Variants in PPP1R12C observed in about 807,000 individuals in gnomAD.
PPP1R12C encodes the protein protein phosphatase 1 regulatory subunit 12C.
A neutral mutation model predicts 95.6 loss-of-function variants in PPP1R12C; 48 were observed. The observed-to-expected ratio is 0.50, with a 90% CI of 0.40 to 0.64. PPP1R12C has a LOEUF of 0.64. PPP1R12C is among the 30% of genes least tolerant of loss of function. PPP1R12C has a pLI of 0.00. For missense variants in PPP1R12C, 1,057 were observed against 1,083.3 expected (o/e 0.98, Z 0.34); for synonymous variants, 480 against 460.8 (o/e 1.04, Z -0.53).
At chr19:55,101,617 CAGG>C (rs1417204824) in intron 4 of PPP1R12C, among the ~76,000 whole-genome samples, 7 of 152,324 alleles carry the variant, frequency 4.6e-5, no homozygotes, top group African/African-American at 1.7e-4. Flanking sequence ...GGTGCAGTGG[CAGG>C]AGATGAAGCC....
chr19:55,106,591 C>A (rs1360947459), intron 3 of PPP1R12C, among the ~76,000 whole-genome samples: 1 of 152,230 alleles, frequency 6.6e-6, no homozygotes, highest in Non-Finnish European at 1.5e-5. Flanking sequence ...GTTTCAAAAA[C>A]ACATCATGTC....
At chr19:55,111,123 C>A in intron 3 of PPP1R12C, among the ~76,000 whole-genome samples, 1 of 57,442 alleles carries the variant, frequency 1.7e-5, no homozygotes. Flanking sequence ...AGACAGAAGG[C>A]AGAGAGGGCT....
chr19:55,092,040 C>A (rs1192516848), intron 19 of PPP1R12C, 131 bp from the exon 20 acceptor site: 1 of 1,255,500 alleles, frequency 8.0e-7, no homozygotes. Context: ...GGCCAGGCCC[C>A]GCCACCGGCA....
At position 55,092,805 on chromosome 19, in the gene PPP1R12C, T is replaced by C. The variant is rs1448630492; in HGVS notation, c.1889A>G (p.Lys630Arg). 8 of 1,556,946 alleles carry C rather than the reference T, an allele frequency of 5.1e-6. No individual in the cohort carries two copies. Among genetic ancestry groups the C allele is most frequent in the Admixed American group, 1.9e-5 (1 of 52,018 alleles). ...CACCTCCGCAGGCCCCCTCCACTCC[T>C]TTCCGACCTTGCGGTGCTCCCTGGC... ...QAAREHRKVG[K>R]EWRGPAEGEE... is the part of the protein sequence containing the mutation. The change falls in exon 16 of 22, where the codon AAG becomes AGG. Residue 630 changes from lysine to arginine, a missense_variant. By Grantham distance (26) the Lys-to-Arg change is conservative (BLOSUM62 2). Transcript: ENST00000263433.
rs575486445 is a variant in PPP1R12C at position 55,105,198 on chromosome 19, G to GC, written c.572-1631dup. Among the ~76,000 whole-genome samples the GC allele has an allele frequency of 2.2e-3, 329 of 152,156 alleles. 3 individuals carry two copies. Among genetic ancestry groups the GC allele is most frequent in the African/African-American group, 7.7e-3 (320 of 41,512 alleles). On this transcript the variant is annotated intron_variant, in intron 3 of 21. Transcript: ENST00000263433. ...CTCCTGCCTTGGCCTCCCAAAGCCG[G>GC]CATGAGCCACCACACCTGGCTGTGT...
rs374672127 is a variant in PPP1R12C at position 55,112,228 on chromosome 19, T to C, written c.571+239A>G. 83 of 121,500 alleles carry C rather than the reference T, an allele frequency of 6.8e-4. 1 individual carries two copies. In the East Asian group the frequency reaches 0.019, roughly 28 times the overall value. 7.5% of individuals were successfully genotyped at this position (121,500 alleles called of 1,614,324 possible). On this transcript the variant is annotated intron_variant, in intron 3 of 21. Coordinates refer to ENST00000263433, the MANE Select transcript of PPP1R12C (RefSeq NM_017607.4). ...CAATCCCCTCAGTTACTCAGGGGGATTGACAGTCCCAGTTGGTAGGGGTTT... is the reference window on the plus strand; with the variant it reads ...CAATCCCCTCAGTTACTCAGGGGGACTGACAGTCCCAGTTGGTAGGGGTTT...
chr19:55,107,562 T>C (rs1399378595), intron 3 of PPP1R12C, among the ~76,000 whole-genome samples: 2 of 152,084 alleles, frequency 1.3e-5, no homozygotes. Flanking sequence ...GGGACATGGA[T>C]GAAGCTGGAA....
chr19:55,092,875 G>A lies in PPP1R12C; in HGVS notation c.1826-7C>T, dbSNP rs200429862. ...TGCCCGTCGGGCGCCTCTGCTGGGGGAGGGGCAGGAATCAGCCCAGGCACC... is the reference window on the plus strand; with the variant it reads ...TGCCCGTCGGGCGCCTCTGCTGGGGAAGGGGCAGGAATCAGCCCAGGCACC... On this transcript the variant is annotated splice_region_variant and splice_polypyrimidine_tract_variant and intron_variant, in intron 15 of 21. Transcript: ENST00000263433. 34 of 1,597,468 alleles carry A rather than the reference G, an allele frequency of 2.1e-5. No individual in the cohort carries two copies. Among genetic ancestry groups the A allele is most frequent in the Non-Finnish European group, 7.7e-6 (9 of 1,172,918 alleles).
chr19:55,111,142 TGGGGGGGAG>T (rs2085090676), intron 3 of PPP1R12C, among the ~76,000 whole-genome samples: 1 of 7,000 alleles, frequency 1.4e-4, no homozygotes, highest in East Asian at 6.3e-3. Flanking sequence ...CTTCGTGGGG[TGGGGGGGAG>T]GGGGGGGTGC....
intron 6 of PPP1R12C, among the ~76,000 whole-genome samples, chr19:55,098,110 C>T (rs1438932052): frequency 6.6e-6 from 1 of 152,246 alleles, no homozygotes; most frequent in Non-Finnish European, 1.5e-5. Context: ...GCCTTGGGAG[C>T]TTCCTGTCAC....
chr19:55,098,878 G>A lies in PPP1R12C; in HGVS notation c.877-20C>T. Reference sequence around the variant, plus strand: ...CTGCCCCTGGGTCAGGGGAGGAGCAGGATCAGACAATGAAGGAGGTGCTGG... The same window carrying A: ...CTGCCCCTGGGTCAGGGGAGGAGCAAGATCAGACAATGAAGGAGGTGCTGG... On this transcript the variant is annotated intron_variant, in intron 5 of 21. Transcript: ENST00000263433. The A allele has an allele frequency of 6.2e-7, 1 of 1,613,100 alleles. No homozygotes were observed. The highest frequency in any genetic ancestry group is 8.5e-7 in the Non-Finnish European group (1 of 1,179,936).
chr19:55,108,473 A>G (rs539990437), intron 3 of PPP1R12C, among the ~76,000 whole-genome samples: 2 of 152,090 alleles, frequency 1.3e-5, no homozygotes, highest in South Asian at 4.1e-4. Context: ...CACAAAAAAT[A>G]TAAAAATCAT....
intron 3 of PPP1R12C, 29 bp downstream of exon 3, chr19:55,112,438 C>A (rs604216): frequency 6.3e-7 from 1 of 1,584,400 alleles, no homozygotes; most frequent in African/African-American, 1.3e-5. Flanking sequence ...AGGTGTCCCC[C>A]ACCCCACACA....
chr19:55,099,167 G>T, intron 4 of PPP1R12C, 72 bp from the exon 5 acceptor site: 2 of 1,435,720 alleles, frequency 1.4e-6, no homozygotes, highest in South Asian at 2.9e-5. Context: ...TCGGCCAGCG[G>T]TTTGGTAACG....
Position 55,095,906 on chromosome 19 carries a change from G to A in PPP1R12C, c.1188C>T (p.Gly396=), listed in dbSNP as rs2084905960. Residue 396 remains glycine (G), a synonymous_variant, in exon 9 of 22, where the codon GGC becomes GGT. Coordinates refer to ENST00000263433, the MANE Select transcript of PPP1R12C (RefSeq NM_017607.4). ...GGCTGGGGTGCGGCGGGGAGGAGAC[G>A]CCATTGAGGGTTCTGGGTTCTGCAG... The part of the protein sequence containing the change: ...PPPAEPRTLN[G]VSSPPHPSPK... 4 of 1,613,170 alleles carry A rather than the reference G, an allele frequency of 2.5e-6. No homozygotes were observed. The highest frequency in any genetic ancestry group is 2.7e-5 in the African/African-American group (2 of 74,908).
Position 55,098,678 on chromosome 19 carries a change from G to A in PPP1R12C, c.951+106C>T, listed in dbSNP as rs575013098. 7.3e-6 allele frequency: 10 copies of A among 1,369,150 alleles called. No individual in the cohort carries two copies. In the East Asian group the frequency reaches 2.3e-4, roughly 32 times the overall value. 84.8% of individuals were successfully genotyped at this position (1,369,150 alleles called of 1,614,324 possible). On this transcript the variant is annotated intron_variant, in intron 6 of 21. Coordinates refer to ENST00000263433, the MANE Select transcript of PPP1R12C (RefSeq NM_017607.4). ...CCAAGAGGGAAATAGCAGGTCGCTG[G>A]GGTGGTGGGTGTCAGAAGTCGGGGG...
chr19:55,104,529 C>T (rs1050086408), intron 3 of PPP1R12C, among the ~76,000 whole-genome samples: 1 of 151,382 alleles, frequency 6.6e-6, no homozygotes, highest in African/African-American at 2.4e-5. Context: ...GTGTTGAAAC[C>T]GTGTCTCTCC....
chr19:55,117,187 C>T (rs1451618119), intron 1 of PPP1R12C, 36 bp downstream of exon 1: 20 of 1,219,012 alleles, frequency 1.6e-5, no homozygotes, highest in Middle Eastern at 3.2e-4. Flanking sequence ...AGAGGGTGGA[C>T]CTGGCCCCGG....
At chr19:55,091,801 A>T in intron 20 of PPP1R12C, 58 bp downstream of exon 20, 1 of 1,612,212 alleles carries the variant, frequency 6.2e-7, no homozygotes, top group Non-Finnish European at 8.5e-7. Context: ...CTTGGTCCAA[A>T]CTTAGGGATG....
Sources: gnomAD v4.1 joint callset for allele counts (sites outside exome capture counted in the v4.1 genomes callset) on GRCh38, gnomAD v4.1.1 for gene constraint, MANE v1.5 for transcripts, NCBI Gene and HGNC (gene_info 2026-07-23, HGNC 2026-07-21) for gene names.